Variants in SDK1 observed in about 807,000 individuals in gnomAD.
SDK1 encodes sidekick cell adhesion molecule 1.
SDK1 carries 157 observed loss-of-function variants against 245.5 expected under a neutral mutation model. That is an observed-to-expected ratio of 0.64 (90% CI 0.56 to 0.73). The LOEUF is 0.73. Ranked by LOEUF, SDK1 falls within the 30% of genes least tolerant of loss-of-function variation. SDK1 has a pLI of 0.00. For missense variants in SDK1, 3,583 were observed against 3,002.3 expected (o/e 1.19, Z -4.52); for synonymous variants, 1,647 against 1,278.5 (o/e 1.29, Z -6.15).
chr7:3,329,243 C>G (rs766826102), intron 1 of SDK1, among the ~76,000 whole-genome samples: 3 of 152,132 alleles, frequency 2.0e-5, no homozygotes, highest in Non-Finnish European at 4.4e-5. Context: ...TGGTTCTAAA[C>G]CACGTCCATG....
intron 17 of SDK1, among the ~76,000 whole-genome samples, chr7:4,039,145 C>A (rs1296662653): frequency 2.1e-5 from 3 of 143,456 alleles, no homozygotes; most frequent in Non-Finnish European, 4.4e-5. Flanking sequence ...CACACCGGGG[C>A]CTGTTGTGGG....
chr7:3,836,601 A>G (rs920461549), intron 5 of SDK1, among the ~76,000 whole-genome samples: 4 of 152,250 alleles, frequency 2.6e-5, no homozygotes, highest in Admixed American at 6.5e-5. Flanking sequence ...CAACAGGCTA[A>G]GATTCAGAAA....
At chr7:4,094,218 C>T (rs1781995242) in intron 22 of SDK1, among the ~76,000 whole-genome samples, 1 of 152,078 alleles carries the variant, frequency 6.6e-6, no homozygotes, top group Non-Finnish European at 1.5e-5. Flanking sequence ...CCTGCCACCA[C>T]ACCCAGCTAA....
chr7:4,077,355 G>T (rs960362882), intron 21 of SDK1, among the ~76,000 whole-genome samples, 166 bp downstream of exon 21: 7 of 152,208 alleles, frequency 4.6e-5, no homozygotes, highest in African/African-American at 1.7e-4. Flanking sequence ...CCCCACTTCA[G>T]CCCCATTCTC....
At chr7:3,538,529 A>G (rs983440442) in intron 1 of SDK1, among the ~76,000 whole-genome samples, 6 of 152,170 alleles carry the variant, frequency 3.9e-5, no homozygotes, top group African/African-American at 1.2e-4. Flanking sequence ...CCTGTCAGCA[A>G]ATTATCCTTA....
intron 1 of SDK1, among the ~76,000 whole-genome samples, chr7:3,451,942 C>T (rs906070313): frequency 6.6e-6 from 1 of 152,120 alleles, no homozygotes; most frequent in Non-Finnish European, 1.5e-5. Context: ...AGGCTTCTCT[C>T]CTTATGAGCT....
At chr7:4,233,185 G>A (rs956119634) in intron 40 of SDK1, 70 bp from the exon 41 acceptor site, 21 of 1,478,502 alleles carry the variant, frequency 1.4e-5, no homozygotes, top group Middle Eastern at 1.8e-4. Context: ...CCACCAGGCA[G>A]GTGCATGGGG....
chr7:3,326,018 C>G (rs1779932509), intron 1 of SDK1, among the ~76,000 whole-genome samples: 1 of 152,116 alleles, frequency 6.6e-6, no homozygotes, highest in African/African-American at 2.4e-5. Context: ...CTTAGCTGTA[C>G]CTATCTATCC....
chr7:3,995,819 ATT>A (rs10605028), intron 14 of SDK1, among the ~76,000 whole-genome samples: 14,677 of 144,632 alleles, frequency 0.1, 803 homozygotes, highest in Middle Eastern at 0.14. Context: ...GGCCTTAGGG[ATT>A]TTTTTTTTTT....
chr7:3,424,097 A>G (rs929557301), intron 1 of SDK1, among the ~76,000 whole-genome samples: 1 of 152,132 alleles, frequency 6.6e-6, no homozygotes, highest in Admixed American at 6.6e-5. Flanking sequence ...TTTTTAGTAG[A>G]GATGGGGTTT....
At chr7:4,096,115 T>G (rs1782135854) in intron 22 of SDK1, among the ~76,000 whole-genome samples, 1 of 152,202 alleles carries the variant, frequency 6.6e-6, no homozygotes, top group African/African-American at 2.4e-5. Flanking sequence ...TTTGCTTTCC[T>G]CTCTTCAAAA....
intron 13 of SDK1, among the ~76,000 whole-genome samples, chr7:3,978,783 G>C (rs1171203407): frequency 6.6e-6 from 1 of 152,152 alleles, no homozygotes; most frequent in East Asian, 1.9e-4. Flanking sequence ...ATTGCCAAAG[G>C]GAAGGGACTG....
rs73310043 is a variant in SDK1 at position 3,826,005 on chromosome 7, C to G, written c.847+4422C>G. On this transcript the variant is annotated intron_variant, in intron 5 of 44. Coordinates refer to ENST00000404826, the MANE Select transcript of SDK1 (RefSeq NM_152744.4). Reference sequence around the variant, plus strand: ...ATGACACTTTACTGCCAGAATTTTTCAGAAACATAAATAGGAAGTCTATTT... The same window carrying G: ...ATGACACTTTACTGCCAGAATTTTTGAGAAACATAAATAGGAAGTCTATTT... 6.3e-3 allele frequency among the ~76,000 whole-genome samples: 958 copies of G among 152,328 alleles called. 9 individuals carry two copies. The highest frequency in any genetic ancestry group is 0.022 in the African/African-American group (896 of 41,558).
chr7:3,352,415 A>C (rs543645642), intron 1 of SDK1, among the ~76,000 whole-genome samples: 1 of 152,256 alleles, frequency 6.6e-6, no homozygotes, highest in African/African-American at 2.4e-5. Context: ...TGCTGGTAGC[A>C]GGGAGGGTGT....
At chr7:3,870,061 T>TA (rs1427705972) in intron 5 of SDK1, among the ~76,000 whole-genome samples, 6 of 152,212 alleles carry the variant, frequency 3.9e-5, no homozygotes, top group Non-Finnish European at 8.8e-5. Context: ...TCATTAAAAG[T>TA]AAAAATGATC....
chr7:3,545,200 G>C (rs1370026452), intron 1 of SDK1, among the ~76,000 whole-genome samples: 3 of 152,092 alleles, frequency 2.0e-5, no homozygotes, highest in Non-Finnish European at 4.4e-5. Flanking sequence ...TTTCCATACT[G>C]TGCCCAATGA....
At chr7:3,956,403 G>A (rs528972110) in intron 7 of SDK1, among the ~76,000 whole-genome samples, 1 of 152,184 alleles carries the variant, frequency 6.6e-6, no homozygotes, top group Admixed American at 6.5e-5. Flanking sequence ...GCAGCCGCTG[G>A]GTTAGAATAC....
intron 5 of SDK1, among the ~76,000 whole-genome samples, chr7:3,841,017 A>G (rs1780143784): frequency 6.6e-6 from 1 of 152,310 alleles, no homozygotes; most frequent in African/African-American, 2.4e-5. Context: ...CCACTTCATG[A>G]GAGAGCTGCT....
intron 38 of SDK1, among the ~76,000 whole-genome samples, chr7:4,218,347 C>T (rs922408541): frequency 6.6e-6 from 1 of 151,818 alleles, no homozygotes; most frequent in Non-Finnish European, 1.5e-5. Context: ...GAGCTGGGAT[C>T]GCACCACTGC....
Sources: gnomAD v4.1 joint callset for allele counts (sites outside exome capture counted in the v4.1 genomes callset) on GRCh38, gnomAD v4.1.1 for gene constraint, MANE v1.5 for transcripts, NCBI Gene and HGNC (gene_info 2026-07-23, HGNC 2026-07-21) for gene names.